Variants in DPH6 observed in about 807,000 individuals in gnomAD.
DPH6 encodes diphthine--ammonia ligase.
DPH6 carries 33 observed loss-of-function variants against 38.2 expected under a neutral mutation model. The observed-to-expected ratio is 0.86, with a 90% confidence interval of 0.65 to 1.15. The LOEUF (loss-of-function observed/expected upper bound fraction) is 1.15. DPH6 is among the 50% of genes most tolerant of loss of function. The pLI is 0.00. For missense variants in DPH6, 325 were observed against 320.0 expected, an observed-to-expected ratio of 1.02 and a Z score of -0.12; for synonymous variants, 108 against 103.0, an observed-to-expected ratio of 1.05 and a Z score of -0.30.
At chr15:35,158,782 T>C in the DPH6 span, among the ~76,000 whole-genome samples, 5 of 151,934 alleles carry the variant, frequency 3.3e-5, no homozygotes, top group African/African-American at 9.7e-5. Context: ...TTACTGGAAA[T>C]GATAAAAAGA....
chr15:35,323,699 C>T (rs151010533), intron 3 of DPH6, among the ~76,000 whole-genome samples: 201 of 152,264 alleles, frequency 1.3e-3, no homozygotes, highest in African/African-American at 4.6e-3. Flanking sequence ...ATTCTGCCAT[C>T]AAATTGCTTT....
chr15:35,482,395 G>A (rs1328000933), intron 3 of DPH6, among the ~76,000 whole-genome samples: 1 of 152,144 alleles, frequency 6.6e-6, no homozygotes, highest in Non-Finnish European at 1.5e-5. Context: ...GCTGTGCAGA[G>A]AAGACACAAG....
chr15:35,490,365 C>G (rs1447517244), intron 3 of DPH6, among the ~76,000 whole-genome samples: 1 of 152,008 alleles, frequency 6.6e-6, no homozygotes, highest in East Asian at 1.9e-4. Flanking sequence ...TCTATTTGAC[C>G]AAAAAATGAA....
chr15:35,520,513 A>G (rs1259058781), intron 3 of DPH6: 1 of 984,492 alleles, frequency 1.0e-6, no homozygotes, highest in Non-Finnish European at 1.2e-6. Context: ...ATTAAATCCA[A>G]TTAAGTACAG....
chr15:35,289,728 A>G (rs1329662745), intron 3 of DPH6, among the ~76,000 whole-genome samples: 1 of 152,228 alleles, frequency 6.6e-6, no homozygotes, highest in African/African-American at 2.4e-5. Context: ...TTATAAATTA[A>G]AATGTATCTA....
chr15:35,363,579 G>A (rs962692118), intron 3 of DPH6, among the ~76,000 whole-genome samples: 3 of 151,714 alleles, frequency 2.0e-5, no homozygotes, highest in African/African-American at 4.8e-5. Flanking sequence ...AATATTTTTT[G>A]TCTTTAAGTG....
At chr15:35,352,499 C>G (rs1010160880) in intron 3 of DPH6, among the ~76,000 whole-genome samples, 4 of 152,088 alleles carry the variant, frequency 2.6e-5, no homozygotes, top group African/African-American at 9.7e-5. Context: ...TCTCTTTGTT[C>G]AATTCCCACC....
At chr15:35,151,124 G>A in the DPH6 span, among the ~76,000 whole-genome samples, 19 of 152,230 alleles carry the variant, frequency 1.2e-4, no homozygotes, top group African/African-American at 2.4e-4. Context: ...ACTTTAACCC[G>A]GGGAAGTGGG....
At chr15:35,316,229 A>T (rs902385666) in intron 3 of DPH6, among the ~76,000 whole-genome samples, 1 of 152,214 alleles carries the variant, frequency 6.6e-6, no homozygotes, top group Non-Finnish European at 1.5e-5. Flanking sequence ...AGTTAAGGTG[A>T]TAGATATTCC....
chr15:35,189,824 G>T, the DPH6 span, among the ~76,000 whole-genome samples: 1 of 152,092 alleles, frequency 6.6e-6, no homozygotes, highest in Non-Finnish European at 1.5e-5. Flanking sequence ...TTTTTACCGG[G>T]GGCTGCAGGC....
chr15:35,223,791 T>C (rs1411709719), intron 3 of DPH6, among the ~76,000 whole-genome samples: 1 of 152,076 alleles, frequency 6.6e-6, no homozygotes, highest in East Asian at 1.9e-4. Flanking sequence ...GTATATAGTT[T>C]ATATTATAGT....
chr15:35,430,315 A>G (rs1248687141), intron 5 of DPH6, among the ~76,000 whole-genome samples: 1 of 151,348 alleles, frequency 6.6e-6, no homozygotes, highest in Non-Finnish European at 1.5e-5. Context: ...ACCTATGGTT[A>G]TTTACCTGAA....
At chr15:35,150,268 TTA>T in the DPH6 span, among the ~76,000 whole-genome samples, 1 of 152,090 alleles carries the variant, frequency 6.6e-6, no homozygotes, top group African/African-American at 2.4e-5. Flanking sequence ...CAGATCAGAG[TTA>T]TAACTAGAAA....
intron 3 of DPH6, among the ~76,000 whole-genome samples, chr15:35,467,994 A>C (rs1399593236): frequency 6.6e-6 from 1 of 152,212 alleles, no homozygotes; most frequent in Non-Finnish European, 1.5e-5. Flanking sequence ...TGTTAACCAA[A>C]ACATTGTTAA....
chr15:35,147,119 C>A, the DPH6 span, among the ~76,000 whole-genome samples: 1 of 152,178 alleles, frequency 6.6e-6, no homozygotes, highest in East Asian at 1.9e-4. Context: ...AGCATTTGAT[C>A]TAAATGCTTG....
intron 3 of DPH6, among the ~76,000 whole-genome samples, chr15:35,240,462 C>T (rs899147097): frequency 7.0e-6 from 1 of 142,138 alleles, no homozygotes; most frequent in Non-Finnish European, 1.5e-5. Context: ...TCCTTGCCAG[C>T]CCAAGCTAGG....
the DPH6 span, among the ~76,000 whole-genome samples, chr15:35,185,720 C>T: frequency 7.1e-6 from 1 of 140,602 alleles, no homozygotes; most frequent in Non-Finnish European, 1.5e-5. Flanking sequence ...CTGTCCAATC[C>T]ACTCTTTTTT....
chr15:35,216,090 A>G (rs370239313), downstream of DPH6, among the ~76,000 whole-genome samples: 5 of 152,382 alleles, frequency 3.3e-5, no homozygotes, highest in South Asian at 6.2e-4. Context: ...CTAAAGAATA[A>G]TGCAAAGTTA....
At chr15:35,423,100 C>G (rs1015723421) in intron 5 of DPH6, among the ~76,000 whole-genome samples, 3 of 151,752 alleles carry the variant, frequency 2.0e-5, no homozygotes, top group African/African-American at 7.2e-5. Flanking sequence ...CCGGATCATA[C>G]AGTAGTTACA....
Sources: gnomAD v4.1 joint callset for allele counts (sites outside exome capture counted in the v4.1 genomes callset) on GRCh38, gnomAD v4.1.1 for gene constraint, MANE v1.5 for transcripts, NCBI Gene and HGNC (gene_info 2026-07-23, HGNC 2026-07-21) for gene names.